Variants in JAZF1 observed in about 807,000 individuals in gnomAD.
JAZF1 encodes the protein JAZF zinc finger 1.
A neutral mutation model predicts 26.4 loss-of-function variants in JAZF1; 8 were observed. The observed-to-expected ratio is 0.30, with a 90% confidence interval of 0.18 to 0.55. The LOEUF (loss-of-function observed/expected upper bound fraction) is 0.55, where lower values mean the gene tolerates loss of function less well. JAZF1 is among the 20% of genes least tolerant of loss of function. The probability of loss-of-function intolerance (pLI) is 0.94; values close to 1 mark genes in which losing one functional copy is unlikely to be tolerated. For synonymous variants in JAZF1, 126 were observed against 122.3 expected, an observed-to-expected ratio of 1.03 and a Z score of -0.20; for missense variants, 199 against 322.0, an observed-to-expected ratio of 0.62 and a Z score of 2.92.
chr7:28,057,098 C>T (rs1403583795), intron 1 of JAZF1, among the ~76,000 whole-genome samples: 1 of 152,042 alleles, frequency 6.6e-6, no homozygotes, highest in Non-Finnish European at 1.5e-5. Context: ...ATGCTGTGAC[C>T]CTCATCACTG....
chr7:27,952,932 T>C (rs73086934), intron 2 of JAZF1, among the ~76,000 whole-genome samples: 11,149 of 152,280 alleles, frequency 0.073, 548 homozygotes, highest in East Asian at 0.12. Flanking sequence ...TGGAACCACA[T>C]CCTGATAACA....
intron 3 of JAZF1, among the ~76,000 whole-genome samples, chr7:27,890,114 C>A (rs887311938): frequency 6.6e-6 from 1 of 152,038 alleles, no homozygotes; most frequent in Non-Finnish European, 1.5e-5. Context: ...GATTCCTTGA[C>A]CTACAAACTA....
At chr7:28,025,762 G>C (rs1454117127) in intron 1 of JAZF1, among the ~76,000 whole-genome samples, 1 of 152,128 alleles carries the variant, frequency 6.6e-6, no homozygotes, top group Non-Finnish European at 1.5e-5. Flanking sequence ...TTGGACTGAT[G>C]TGAGATGGAA....
chr7:27,988,168 AC>A (rs1379990354), intron 2 of JAZF1, among the ~76,000 whole-genome samples: 10 of 143,204 alleles, frequency 7.0e-5, no homozygotes, highest in African/African-American at 2.6e-4. Context: ...TATGAGAAAC[AC>A]CCAAGAATGA....
At chr7:28,174,316 C>T (rs1783516671) in intron 1 of JAZF1, among the ~76,000 whole-genome samples, 1 of 152,156 alleles carries the variant, frequency 6.6e-6, no homozygotes, top group African/African-American at 2.4e-5. Flanking sequence ...GAAACATTGT[C>T]TCCTGTCTCT....
At chr7:28,089,404 G>A (rs1784259619) in intron 1 of JAZF1, among the ~76,000 whole-genome samples, 1 of 152,200 alleles carries the variant, frequency 6.6e-6, no homozygotes, top group Non-Finnish European at 1.5e-5. Context: ...TTAGAACCAT[G>A]AGAAATAAAT....
At chr7:28,174,929 C>T (rs1783527519) in intron 1 of JAZF1, among the ~76,000 whole-genome samples, 1 of 108,606 alleles carries the variant, frequency 9.2e-6, no homozygotes, top group East Asian at 1.9e-4. Flanking sequence ...GATCTTGCCG[C>T]CAAGCCACAG....
At position 28,040,427 on chromosome 7, in the gene JAZF1, A is replaced by G. The variant is rs570529866; in HGVS notation, c.116-48446T>C. 3.3e-4 allele frequency among the ~76,000 whole-genome samples: 50 copies of G among 152,334 alleles called. 1 individual carries two copies. The highest frequency in any genetic ancestry group is 2.3e-3 in the Admixed American group (35 of 15,296). ...ATGAGTACTATAAAGAAAATTAAAG[A>G]GTAATGTAATCAAGAGTGACTGGTA... is the stretch of plus-strand genomic sequence containing the variant. On this transcript the variant is annotated intron_variant, in intron 1 of 4. Transcript: ENST00000283928.
In JAZF1 at chr7:27,948,197, G is replaced by T. The variant is rs1039482376; in HGVS notation, c.188+43712C>A. Among the ~76,000 whole-genome samples the T allele has an allele frequency of 5.9e-5, 9 of 151,998 alleles. 1 individual carries two copies. The highest frequency in any genetic ancestry group is 2.2e-4 in the African/African-American group (9 of 41,368). ...CTGGGCAGAGAGAAACACTCTGAGG[G>T]GCTTTACTGTGGGAGATTTACAAGA... On this transcript the variant is annotated intron_variant, in intron 2 of 4. Transcript: ENST00000283928.
At chr7:27,918,400 T>C (rs946182396) in intron 2 of JAZF1, among the ~76,000 whole-genome samples, 6 of 152,170 alleles carry the variant, frequency 3.9e-5, no homozygotes, top group African/African-American at 1.4e-4. Context: ...AATCACGAGG[T>C]TTAGCACTTA....
intron 1 of JAZF1, among the ~76,000 whole-genome samples, chr7:28,174,821 G>GGTGTGTGTGGGTGTGTGTGTGT (rs1783524854): frequency 9.3e-6 from 1 of 107,690 alleles, no homozygotes; most frequent in African/African-American, 2.8e-5. Flanking sequence ...GGGGTGTGTG[G>GGTGTGTGTGGGTGTGTGTGTGT]GTGTGTGTGT....
intron 1 of JAZF1, among the ~76,000 whole-genome samples, chr7:28,009,365 A>C (rs1782759035): frequency 6.6e-6 from 1 of 152,098 alleles, no homozygotes; most frequent in Non-Finnish European, 1.5e-5. Context: ...TTTTGATGCA[A>C]CTCACAGTAA....
intron 1 of JAZF1, among the ~76,000 whole-genome samples, chr7:28,153,681 A>C (rs551335595): frequency 3.7e-4 from 56 of 152,308 alleles, no homozygotes; most frequent in African/African-American, 1.2e-3. Flanking sequence ...AAGCATTACC[A>C]GTCCCTCTTC....
intron 2 of JAZF1, among the ~76,000 whole-genome samples, chr7:27,988,987 C>A (rs1277025091): frequency 6.8e-6 from 1 of 146,494 alleles, no homozygotes; most frequent in East Asian, 2.1e-4. Context: ...CCAAGTCAAT[C>A]CTAAGCCAAA....
chr7:28,161,900 C>T (rs759886560), intron 1 of JAZF1, among the ~76,000 whole-genome samples: 10 of 152,120 alleles, frequency 6.6e-5, no homozygotes, highest in South Asian at 2.1e-4. Context: ...TCAGTGTCTT[C>T]GCCTACAAAA....
rs747297218 is a variant in JAZF1, at chr7:27,840,845, C to T, written c.408G>A (p.Glu136=). ...TPTGSEYDEE[E]VDYEESDSDE... ...CGCTGTCCGACTCCTCATAGTCCAC[C>T]TCCTCCTCGTCATACTCGCTGCCTG... Residue 136 remains glutamate (E), a synonymous_variant, in exon 4 of 5, where the codon GAG becomes GAA. Transcript: ENST00000283928. The surrounding 1 kb of genome is among the most constrained non-coding windows in gnomAD (Gnocchi z 5.1). The T allele has an allele frequency of 4.3e-6, 7 of 1,614,140 alleles. No individual in the cohort carries two copies. Among genetic ancestry groups the T allele is most frequent in the Non-Finnish European group, 5.9e-6 (7 of 1,180,008 alleles).
At chr7:27,885,506 G>A (rs180926918) in intron 3 of JAZF1, among the ~76,000 whole-genome samples, 1 of 152,212 alleles carries the variant, frequency 6.6e-6, no homozygotes, top group African/African-American at 2.4e-5. Flanking sequence ...TTCTAAATTG[G>A]GTTGTCCTTT....
chr7:28,005,770 G>A lies in JAZF1; in HGVS notation c.116-13789C>T, dbSNP rs187753987. On this transcript the variant is annotated intron_variant, in intron 1 of 4. Transcript: ENST00000283928. ...TCTCGCTGATGGTGTGAATTTGGGT[G>A]TCTGGGAAGTCCCTGGACCTTCTCA... 2.3e-4 allele frequency among the ~76,000 whole-genome samples: 35 copies of A among 152,060 alleles called. No homozygotes were observed. In the East Asian group the frequency reaches 2.5e-3, roughly 11 times the overall value.
chr7:27,836,288 T>C (rs567510935), intron 4 of JAZF1, among the ~76,000 whole-genome samples: 1 of 142,992 alleles, frequency 7.0e-6, no homozygotes, highest in African/African-American at 2.6e-5. Flanking sequence ...AGTGGGAAGG[T>C]AGGAGGTAGA....
Sources: gnomAD v4.1 joint callset for allele counts (sites outside exome capture counted in the v4.1 genomes callset) on GRCh38, gnomAD v4.1.1 for gene constraint, Gnocchi (gnomAD v3.1) non-coding constraint, MANE v1.5 for transcripts, NCBI Gene and HGNC (gene_info 2026-07-23, HGNC 2026-07-21) for gene names.